BMPR1B: variants seen among roughly 807,000 people sequenced by gnomAD.
BMPR1B encodes the protein bone morphogenetic protein receptor type 1B.
BMPR1B carries 12 observed loss-of-function variants against 59.1 expected under a neutral mutation model. The observed-to-expected ratio is 0.20, with a 90% confidence interval of 0.13 to 0.33. BMPR1B has a LOEUF of 0.33. Among genes scored for constraint, BMPR1B ranks in the 10% least tolerant of loss-of-function variants. The probability of loss-of-function intolerance (pLI) is 1.00; values close to 1 mark genes in which losing one functional copy is unlikely to be tolerated. For synonymous variants in BMPR1B, 237 were observed against 207.3 expected (o/e 1.14, Z -1.23); for missense variants, 550 against 610.9 (o/e 0.90, Z 1.05).
chr4:95,028,758 A>G (rs1484370922), intron 3 of BMPR1B, among the ~76,000 whole-genome samples: 7 of 152,148 alleles, frequency 4.6e-5, no homozygotes, highest in African/African-American at 1.7e-4. Context: ...GTAAAAAGAT[A>G]CTAGAAATCT....
intron 2 of BMPR1B, among the ~76,000 whole-genome samples, chr4:94,982,145 A>G (rs1272501701): frequency 6.6e-6 from 1 of 152,236 alleles, no homozygotes; most frequent in Non-Finnish European, 1.5e-5. Flanking sequence ...TGAATCTGAG[A>G]TGGATTTAAT....
At chr4:94,979,509 A>C (rs990752526) in intron 2 of BMPR1B, among the ~76,000 whole-genome samples, 5 of 152,224 alleles carry the variant, frequency 3.3e-5, no homozygotes, top group Non-Finnish European at 7.3e-5. Flanking sequence ...GTTCTCAGAC[A>C]TGCAGAATTT....
rs888653263 is a variant in BMPR1B at position 95,141,638 on chromosome 4, T to C, written c.1077-7110T>C. 4.6e-5 allele frequency among the ~76,000 whole-genome samples: 7 copies of C among 152,308 alleles called. No homozygotes were observed. The South Asian group carries it at 8.3e-4, about 18-fold the overall frequency. On this transcript the variant is annotated intron_variant, in intron 10 of 12. Transcript: ENST00000515059. The stretch of plus-strand genomic sequence containing the variant: ...ACATCACCATTACCTTCAATCTCTA[T>C]TGGGAGGAGAAAACAATGACACATG...
At chr4:94,847,849 A>T (rs1205228226) in intron 1 of BMPR1B, among the ~76,000 whole-genome samples, 1 of 152,166 alleles carries the variant, frequency 6.6e-6, no homozygotes, top group African/African-American at 2.4e-5. Flanking sequence ...ACAAAAATAT[A>T]CAGAATGAAT....
chr4:95,019,082 C>T (rs571872014), intron 3 of BMPR1B, among the ~76,000 whole-genome samples: 7 of 151,996 alleles, frequency 4.6e-5, no homozygotes, highest in Admixed American at 1.3e-4. Context: ...TGTCGAATAC[C>T]GCTTCATATT....
chr4:95,090,048 A>T (rs1442547737), intron 3 of BMPR1B, among the ~76,000 whole-genome samples: 1 of 152,090 alleles, frequency 6.6e-6, no homozygotes, highest in African/African-American at 2.4e-5. Context: ...CAGTATTCTA[A>T]CCCAGGTGTT....
intron 3 of BMPR1B, among the ~76,000 whole-genome samples, chr4:95,082,910 C>T (rs1463974670): frequency 2.6e-5 from 4 of 151,412 alleles, no homozygotes; most frequent in African/African-American, 4.9e-5. Flanking sequence ...TGGTGGCGGG[C>T]GCCTGTAGTC....
chr4:94,958,215 C>A (rs948676946), intron 2 of BMPR1B, among the ~76,000 whole-genome samples: 12 of 152,220 alleles, frequency 7.9e-5, no homozygotes, highest in Non-Finnish European at 1.3e-4. Flanking sequence ...CATTTCTTTC[C>A]GTTTCCTTGG....
chr4:94,874,143 A>G (rs1726619605), intron 1 of BMPR1B, among the ~76,000 whole-genome samples: 1 of 152,154 alleles, frequency 6.6e-6, no homozygotes, highest in African/African-American at 2.4e-5. Context: ...ATGTGTGTAT[A>G]TATATGTGTA....
intron 1 of BMPR1B, among the ~76,000 whole-genome samples, chr4:94,790,904 C>G (rs951216899): frequency 6.6e-6 from 1 of 152,048 alleles, no homozygotes; most frequent in Non-Finnish European, 1.5e-5. Context: ...GGTATTCTTA[C>G]GTTGCCTTTG....
chr4:94,776,009 T>C (rs760984095), intron 1 of BMPR1B, among the ~76,000 whole-genome samples: 36 of 149,728 alleles, frequency 2.4e-4, no homozygotes, highest in Non-Finnish European at 4.4e-4. Context: ...GAGAATGGCA[T>C]GAACCTGGGA....
chr4:94,760,317 C>G (rs1721710167), intron 1 of BMPR1B, among the ~76,000 whole-genome samples: 1 of 152,088 alleles, frequency 6.6e-6, no homozygotes, highest in Non-Finnish European at 1.5e-5. Context: ...ATGTATGTTT[C>G]TCTAAATGTT....
In BMPR1B at chr4:94,913,764, GCAT is replaced by G. The variant is rs551075763; in HGVS notation, c.-113+37868_-113+37870del. ...CTCACAAAGTTTATGTTTCAGTGAA[GCAT>G]CATTCAATTGAACTTTTGTGATGGT... On this transcript the variant is annotated intron_variant, in intron 2 of 12. Transcript: ENST00000515059. 1.8e-3 allele frequency among the ~76,000 whole-genome samples: 277 copies of G among 152,204 alleles called. 2 individuals are homozygous for G. The highest frequency in any genetic ancestry group is 1.7e-3 in the Non-Finnish European group (115 of 67,996).
chr4:94,851,052 T>G (rs535102348), intron 1 of BMPR1B, among the ~76,000 whole-genome samples: 9 of 25,082 alleles, frequency 3.6e-4, no homozygotes, highest in South Asian at 4.4e-3. Context: ...AATTCTCAGG[T>G]TTTTTTTTCT....
intron 1 of BMPR1B, among the ~76,000 whole-genome samples, chr4:94,823,271 G>C (rs953706474): frequency 1.3e-5 from 2 of 152,182 alleles, no homozygotes; most frequent in Non-Finnish European, 2.9e-5. Flanking sequence ...TTTGGTTAAA[G>C]CTAGAATGGA....
chr4:94,855,126 A>G (rs1299328402), intron 1 of BMPR1B, among the ~76,000 whole-genome samples: 4 of 152,288 alleles, frequency 2.6e-5, no homozygotes, highest in African/African-American at 9.6e-5. Context: ...TCTTTAAAGG[A>G]TCCTTCTTTA....
intron 2 of BMPR1B, among the ~76,000 whole-genome samples, chr4:94,992,338 A>G (rs1360974244): frequency 6.6e-6 from 1 of 152,200 alleles, no homozygotes; most frequent in East Asian, 1.9e-4. Context: ...TTGTGAGTGC[A>G]CTGTTTAATC....
chr4:94,780,940 G>A (rs1303814983), intron 1 of BMPR1B, among the ~76,000 whole-genome samples: 2 of 151,822 alleles, frequency 1.3e-5, no homozygotes, highest in African/African-American at 2.4e-5. Context: ...CACCCACCTC[G>A]GCCTCCCAAA....
chr4:95,134,525 A>G (rs1438829002), intron 10 of BMPR1B, among the ~76,000 whole-genome samples: 1 of 152,088 alleles, frequency 6.6e-6, no homozygotes, highest in East Asian at 1.9e-4. Context: ...CCTCTCCAGC[A>G]CCTGTTGTTT....
Sources: gnomAD v4.1 joint callset for allele counts (sites outside exome capture counted in the v4.1 genomes callset) on GRCh38, gnomAD v4.1.1 for gene constraint, MANE v1.5 for transcripts, NCBI Gene and HGNC (gene_info 2026-07-23, HGNC 2026-07-21) for gene names.